Variants in HCN4 observed in about 807,000 individuals in gnomAD.
HCN4 encodes the protein hyperpolarization activated cyclic nucleotide gated potassium channel 4.
In HCN4, 29 loss-of-function variants were observed where a neutral mutation model predicts 76.9. That is an observed-to-expected ratio of 0.38 (90% CI 0.28 to 0.51). The LOEUF (loss-of-function observed/expected upper bound fraction) is 0.51. Ranked by LOEUF, HCN4 falls within the 20% of genes least tolerant of loss-of-function variation. The pLI is 0.90. For synonymous variants in HCN4, 772 were observed against 762.5 expected, an observed-to-expected ratio of 1.01 and a Z score of -0.21; for missense variants, 1,416 against 1,715.2, an observed-to-expected ratio of 0.83 and a Z score of 3.08.
At chr15:73,364,907 C>A (rs949092220) in intron 1 of HCN4, among the ~76,000 whole-genome samples, 2 of 152,234 alleles carry the variant, frequency 1.3e-5, no homozygotes, top group Admixed American at 6.5e-5. Flanking sequence ...AACTCCAAAC[C>A]GCAAACTCAA....
chr15:73,350,767 A>T (rs999728245), intron 1 of HCN4, among the ~76,000 whole-genome samples: 4 of 151,994 alleles, frequency 2.6e-5, no homozygotes, highest in African/African-American at 9.7e-5. Flanking sequence ...AATCTACAGA[A>T]GATTCCCTCT....
intron 1 of HCN4, among the ~76,000 whole-genome samples, chr15:73,362,227 T>G (rs1215501299): frequency 6.6e-6 from 1 of 152,194 alleles, no homozygotes; most frequent in Non-Finnish European, 1.5e-5. Flanking sequence ...TCAGCCCAGT[T>G]CACAGACTTC....
rs1359196485 is a variant in HCN4 at position 73,322,694 on chromosome 15, C to A, written c.3399G>T (p.Gly1133=). The A allele has an allele frequency of 1.3e-6, 2 of 1,579,192 alleles. No individual in the cohort carries two copies. The highest frequency in any genetic ancestry group is 2.7e-5 in the African/African-American group (2 of 74,354). ...AGGGCCTCCCAGGGGGACCGAGGCC[C>A]CCGCTGCTCCCACTGCCCCCGCTGC... is the stretch of plus-strand genomic sequence containing the variant. The part of the protein sequence containing the change: ...GGGSGGSGSS[G]GLGPPGRPYG... The change falls in exon 8 of 8, where the codon GGG becomes GGT. Residue 1133 remains glycine, a synonymous_variant. Transcript: ENST00000261917.
chr15:73,364,530 C>T (rs956842585), intron 1 of HCN4, among the ~76,000 whole-genome samples: 3 of 152,298 alleles, frequency 2.0e-5, no homozygotes, highest in East Asian at 1.9e-4. Context: ...CAGCCAGCCT[C>T]GGGGAGGAGC....
chr15:73,364,626 G>A (rs1330445987), intron 1 of HCN4, among the ~76,000 whole-genome samples: 1 of 152,164 alleles, frequency 6.6e-6, no homozygotes, highest in Non-Finnish European at 1.5e-5. Context: ...GGCAGATGGG[G>A]AGTTGGAGGG....
intron 4 of HCN4, among the ~76,000 whole-genome samples, chr15:73,326,193 G>A (rs955019583): frequency 6.6e-6 from 1 of 152,106 alleles, no homozygotes; most frequent in Non-Finnish European, 1.5e-5. Flanking sequence ...CAGGATGAGG[G>A]ATGGGAGGTA....
intron 2 of HCN4, among the ~76,000 whole-genome samples, chr15:73,342,611 C>T (rs2043011597): frequency 6.6e-6 from 1 of 152,252 alleles, no homozygotes; most frequent in Non-Finnish European, 1.5e-5. Flanking sequence ...ACAGGACACC[C>T]TCCAATGTCC....
chr15:73,360,610 G>A (rs2043100871), intron 1 of HCN4, among the ~76,000 whole-genome samples: 1 of 152,176 alleles, frequency 6.6e-6, no homozygotes. Flanking sequence ...ATTCATGGCT[G>A]CATGATTTGG....
At chr15:73,333,258 G>C (rs2042943254) in intron 2 of HCN4, among the ~76,000 whole-genome samples, 2 of 152,200 alleles carry the variant, frequency 1.3e-5, no homozygotes, top group South Asian at 4.1e-4. Context: ...GTGGAGGCAA[G>C]TCTAGAGGAA....
intron 2 of HCN4, among the ~76,000 whole-genome samples, chr15:73,338,341 G>C (rs1232932912): frequency 6.6e-6 from 1 of 152,206 alleles, no homozygotes; most frequent in Non-Finnish European, 1.5e-5. Flanking sequence ...TACAAGCCTT[G>C]CCCGTCAGGC....
In HCN4 at chr15:73,323,759, G is replaced by T; in HGVS notation, c.2334C>A (p.Ile778=). 2.5e-6 allele frequency: 4 copies of T among 1,607,982 alleles called. No individual in the cohort carries two copies. Among genetic ancestry groups the T allele is most frequent in the Non-Finnish European group, 3.4e-6 (4 of 1,178,186 alleles). The part of the protein sequence containing the change: ...TPTPVIWTPL[I]QAPLQAAAAT... ...CAGCGGCAGCCTGCAGTGGTGCCTG[G>T]ATCAGCGGGGTCCAGATGACGGGCG... The change falls in exon 8 of 8, where the codon ATC becomes ATA. Residue 778 remains isoleucine (I), a synonymous_variant. Coordinates refer to ENST00000261917, the MANE Select transcript of HCN4 (RefSeq NM_005477.3).
chr15:73,353,842 G>GT (rs1486553562), intron 1 of HCN4, among the ~76,000 whole-genome samples: 1 of 152,096 alleles, frequency 6.6e-6, no homozygotes, highest in Non-Finnish European at 1.5e-5. Context: ...CTCAGCTCAG[G>GT]TCTCTGGAGG....
intron 3 of HCN4, among the ~76,000 whole-genome samples, chr15:73,330,293 A>C (rs1458978997): frequency 6.6e-6 from 1 of 152,244 alleles, no homozygotes; most frequent in Non-Finnish European, 1.5e-5. Flanking sequence ...CAAAAGTTAA[A>C]GCTGTGAGCT....
chr15:73,356,214 T>C (rs1045048408), intron 1 of HCN4, among the ~76,000 whole-genome samples: 21 of 141,450 alleles, frequency 1.5e-4, no homozygotes, highest in Admixed American at 5.7e-4. Context: ...TGAGATAGGG[T>C]CTCACTCTGT....
chr15:73,323,324 A>G lies in HCN4; in HGVS notation c.2769T>C (p.Ser923=), dbSNP rs1421718713. 3.8e-6 allele frequency: 6 copies of G among 1,559,758 alleles called. No homozygotes were observed. The highest frequency in any genetic ancestry group is 1.7e-4 in the Middle Eastern group (1 of 5,816). Residue 923 remains serine (S), a synonymous_variant, in exon 8 of 8, where the codon TCT becomes TCC. Transcript: ENST00000261917. ...ALGGSLSSSD[S]PLLTPLQPGA... ...CTGGCTGCAGCGGGGTGAGCAGGGG[A>G]GAGTCGGAGGAGGACAGGGAGCCAC...
rs1420807618 is a variant in HCN4 at position 73,343,435 on chromosome 15, G to C, written c.1159C>G (p.Arg387Gly). The change falls in exon 2 of 8, where the codon CGC becomes GGC. Residue 387 changes from arginine (R) to glycine (G), a missense_variant. Coordinates refer to ENST00000261917, the MANE Select transcript of HCN4 (RefSeq NM_005477.3). This position sits in a 1 kb window ranked among gnomAD's most constrained non-coding sequence, Gnocchi z 5.7. ...VRFTKILSLL[R>G]LLRLSRLIRY... ...ATGAGGCGGGAGAGGCGTAACAGGCGTAAGAGGCTGAGGATCTTCGTGAAG... is the reference window on the plus strand; with the variant it reads ...ATGAGGCGGGAGAGGCGTAACAGGCCTAAGAGGCTGAGGATCTTCGTGAAG... The C allele has an allele frequency of 4.3e-6, 7 of 1,614,058 alleles. No individual in the cohort carries two copies. Among genetic ancestry groups the C allele is most frequent in the African/African-American group, 1.3e-5 (1 of 74,910 alleles).
intron 1 of HCN4, among the ~76,000 whole-genome samples, chr15:73,362,989 T>C (rs1186697664): frequency 1.3e-5 from 2 of 152,194 alleles, no homozygotes; most frequent in African/African-American, 4.8e-5. Context: ...GCCCCTGCCT[T>C]GTCAGGTGGG....
chr15:73,361,571 C>T (rs1454967591), intron 1 of HCN4, among the ~76,000 whole-genome samples: 4 of 152,188 alleles, frequency 2.6e-5, no homozygotes, highest in East Asian at 1.9e-4. Context: ...GTGCAGGAGC[C>T]GGCTGCCTCC....
At chr15:73,326,610 G>A (rs915778782) in intron 4 of HCN4, among the ~76,000 whole-genome samples, 4 of 152,192 alleles carry the variant, frequency 2.6e-5, no homozygotes, top group Admixed American at 2.6e-4. Context: ...AGAGACAGAC[G>A]TGGGGATGGA....
Sources: allele counts gnomAD v4.1 joint callset (sites outside exome capture counted in the v4.1 genomes callset), GRCh38; gene constraint gnomAD v4.1.1; non-coding constraint Gnocchi (gnomAD v3.1); transcripts MANE v1.5; gene names NCBI Gene and HGNC (gene_info 2026-07-23, HGNC 2026-07-21).